The following DOCK8 variants were observed in gnomAD, a reference collection of about 807,000 sequenced individuals.
The protein encoded by DOCK8 is dedicator of cytokinesis protein 8.
A neutral mutation model predicts 245.6 loss-of-function variants in DOCK8; 141 were observed. The observed-to-expected ratio is 0.57, with a 90% confidence interval of 0.50 to 0.66. The LOEUF is 0.66. Among genes scored for constraint, DOCK8 ranks in the 30% least tolerant of loss-of-function variants. DOCK8 has a pLI of 0.00. For synonymous variants in DOCK8, 1,168 were observed against 970.2 expected (o/e 1.20, Z -3.79); for missense variants, 2,965 against 2,603.4 (o/e 1.14, Z -3.02).
At chr9:293,176 G>A (rs2049117304) in intron 4 of DOCK8, among the ~76,000 whole-genome samples, 2 of 152,164 alleles carry the variant, frequency 1.3e-5, no homozygotes, top group Admixed American at 1.3e-4. Context: ...TTTCTGGCAA[G>A]CTTTCTTGTA....
At chr9:411,015 A>C (rs1390676448) in intron 28 of DOCK8, among the ~76,000 whole-genome samples, 1 of 152,256 alleles carries the variant, frequency 6.6e-6, no homozygotes, top group Non-Finnish European at 1.5e-5. Flanking sequence ...AAAGTACTAA[A>C]ATTGACTCCA....
intron 18 of DOCK8, among the ~76,000 whole-genome samples, chr9:373,295 A>C (rs1443926451): frequency 6.6e-6 from 1 of 152,244 alleles, no homozygotes; most frequent in Non-Finnish European, 1.5e-5. Context: ...ATTATTTTGA[A>C]GTAAATCTCG....
upstream of DOCK8, chr9:214,613 G>A (rs1563811129): frequency 1.2e-6 from 2 of 1,613,690 alleles, no homozygotes; most frequent in Non-Finnish European, 1.7e-6. Flanking sequence ...TGGAGCTTCC[G>A]GCCTGCGCGC....
intron 18 of DOCK8, among the ~76,000 whole-genome samples, chr9:373,094 G>C (rs765998288): frequency 6.6e-6 from 1 of 152,158 alleles, no homozygotes; most frequent in African/African-American, 2.4e-5. Context: ...TTTAACCTGG[G>C]AAGTGGAGGT....
intron 9 of DOCK8, among the ~76,000 whole-genome samples, chr9:328,401 T>G (rs1347954321): frequency 6.6e-6 from 1 of 152,234 alleles, no homozygotes; most frequent in Admixed American, 6.5e-5. Flanking sequence ...CTTTACAACC[T>G]AGTAATTAAA....
At chr9:289,668 C>T in intron 4 of DOCK8, 87 bp downstream of exon 4, 1 of 1,251,824 alleles carries the variant, frequency 8.0e-7, no homozygotes, top group Non-Finnish European at 1.1e-6. Context: ...TTGAACAGTT[C>T]TAGGTTTACA....
At chr9:297,714 C>T (rs192604346) in intron 4 of DOCK8, among the ~76,000 whole-genome samples, 2 of 152,264 alleles carry the variant, frequency 1.3e-5, no homozygotes, top group South Asian at 2.1e-4. Context: ...TGTTTGCCAA[C>T]CCTTGTCCTC....
chr9:400,709 TCCA>T (rs1564015055), intron 26 of DOCK8, among the ~76,000 whole-genome samples: 1 of 40,168 alleles, frequency 2.5e-5, no homozygotes, highest in East Asian at 8.6e-4. Flanking sequence ...CACCACCACC[TCCA>T]CCATCACCAC....
At chr9:417,063 G>A (rs1322593151) in intron 29 of DOCK8, among the ~76,000 whole-genome samples, 2 of 152,180 alleles carry the variant, frequency 1.3e-5, no homozygotes, top group Non-Finnish European at 2.9e-5. Flanking sequence ...GGGAGGCCAA[G>A]GTGGACAGAT....
Position 428,456 on chromosome 9 carries a change from T to C in DOCK8, c.4433T>C (p.Leu1478Pro). The change falls in exon 35 of 48, where the codon CTG becomes CCG. Residue 1478 changes from leucine (L) to proline (P), a missense_variant. Leu to Pro is a moderately conservative substitution (Grantham distance 98). Coordinates refer to ENST00000432829, the MANE Select transcript of DOCK8 (RefSeq NM_203447.4). The part of the protein sequence containing the change: ...SLNCDQSTTY[L>P]THCFATLRAL... ...AACTGTGATCAGAGTACCACCTACC[T>C]GACTCACTGCTTTGCAACACTCCGT... The C allele has an allele frequency of 6.2e-7, 1 of 1,614,214 alleles. No homozygotes were observed. Among genetic ancestry groups the C allele is most frequent in the Non-Finnish European group, 8.5e-7 (1 of 1,180,032 alleles).
At chr9:403,348 T>G (rs2131512069) in intron 26 of DOCK8, among the ~76,000 whole-genome samples, 1 of 152,346 alleles carries the variant, frequency 6.6e-6, no homozygotes, top group East Asian at 1.9e-4. Context: ...ATGACCAAGT[T>G]CTAATCCCTT....
intron 25 of DOCK8, among the ~76,000 whole-genome samples, chr9:397,838 T>A (rs1391695337): frequency 2.6e-5 from 4 of 152,232 alleles, no homozygotes. Context: ...ATAAAACAAA[T>A]GTAGCAAAAT....
At chr9:444,738 C>G (rs1465480075) in intron 43 of DOCK8, among the ~76,000 whole-genome samples, 2 of 152,122 alleles carry the variant, frequency 1.3e-5, no homozygotes, top group Non-Finnish European at 2.9e-5. Context: ...ACAAAGACAC[C>G]CATCACTGAG....
intron 2 of DOCK8, among the ~76,000 whole-genome samples, chr9:275,812 C>T (rs1586569460): frequency 6.6e-6 from 1 of 151,986 alleles, no homozygotes; most frequent in East Asian, 1.9e-4. Flanking sequence ...TGGTCACAAA[C>T]TCCTGACCTC....
chr9:235,899 C>A (rs1563829405), intron 1 of DOCK8, among the ~76,000 whole-genome samples: 1 of 152,330 alleles, frequency 6.6e-6, no homozygotes, highest in Non-Finnish European at 1.5e-5. Context: ...TGTTGCGCTG[C>A]ACCCACTGTC....
chr9:391,242 C>T (rs145056601), intron 24 of DOCK8, among the ~76,000 whole-genome samples: 1 of 152,302 alleles, frequency 6.6e-6, no homozygotes, highest in African/African-American at 2.4e-5. Flanking sequence ...CCTTTTCTGA[C>T]CACCTAATAC....
chr9:422,280 G>A, intron 33 of DOCK8, 145 bp downstream of exon 33: 1 of 778,482 alleles, frequency 1.3e-6, no homozygotes, highest in Non-Finnish European at 2.2e-6. Flanking sequence ...TTCATCCAGG[G>A]ACCCAGGATA....
intron 4 of DOCK8, among the ~76,000 whole-genome samples, 191 bp from the exon 5 acceptor site, chr9:304,390 G>GGAAC (rs2049709732): frequency 6.6e-6 from 1 of 152,166 alleles, no homozygotes; most frequent in South Asian, 2.1e-4. Context: ...GGGTAAATTT[G>GGAAC]TATCTCATTA....
intron 1 of DOCK8, among the ~76,000 whole-genome samples, chr9:237,963 C>T (rs1398443666): frequency 6.6e-6 from 1 of 152,126 alleles, no homozygotes; most frequent in Non-Finnish European, 1.5e-5. Context: ...TTCACTCCCA[C>T]TTGTGGAATA....
Sources: allele counts gnomAD v4.1 joint callset (sites outside exome capture counted in the v4.1 genomes callset), GRCh38; gene constraint gnomAD v4.1.1; transcripts MANE v1.5; gene names NCBI Gene and HGNC (gene_info 2026-07-23, HGNC 2026-07-21).